The following MPPED2 variants were observed in gnomAD, a reference collection of about 807,000 sequenced individuals.
MPPED2 encodes metallophosphoesterase MPPED2.
Under a neutral mutation model 33.0 loss-of-function variants are expected in MPPED2, and 5 were observed. That is an observed-to-expected ratio of 0.15 (90% CI 0.08 to 0.32). The LOEUF is 0.32. Among genes scored for constraint, MPPED2 ranks in the 10% least tolerant of loss-of-function variants. The probability of loss-of-function intolerance (pLI) is 1.00; values close to 1 mark genes in which losing one functional copy is unlikely to be tolerated. For synonymous variants in MPPED2, 136 were observed against 141.9 expected (o/e 0.96, Z 0.29); for missense variants, 275 against 372.1 (o/e 0.74, Z 2.15).
chr11:30,391,658 G>A (rs1947777778), intron 6 of MPPED2, among the ~76,000 whole-genome samples: 1 of 152,144 alleles, frequency 6.6e-6, no homozygotes, highest in African/African-American at 2.4e-5. Flanking sequence ...TTGCTTCAAT[G>A]TCTGGCATTT....
intron 1 of MPPED2, among the ~76,000 whole-genome samples, chr11:30,585,830 G>A (rs1411420821): frequency 6.6e-6 from 1 of 152,186 alleles, no homozygotes. Flanking sequence ...CGAATTGCCC[G>A]GGAGGCGCCC....
intron 4 of MPPED2, among the ~76,000 whole-genome samples, chr11:30,441,074 T>C (rs945494880): frequency 2.6e-5 from 4 of 152,186 alleles, no homozygotes; most frequent in African/African-American, 9.6e-5. Context: ...TTCTCTGGGT[T>C]ACCGAGCAGA....
At chr11:30,437,240 C>G (rs1949365008) in intron 4 of MPPED2, among the ~76,000 whole-genome samples, 1 of 152,178 alleles carries the variant, frequency 6.6e-6, no homozygotes, top group African/African-American at 2.4e-5. Flanking sequence ...TTTCTTTTAA[C>G]TCCCTTGTGT....
At chr11:30,498,262 GA>G (rs35946947) in intron 3 of MPPED2, among the ~76,000 whole-genome samples, 4,644 of 151,426 alleles carry the variant, frequency 0.031, 242 homozygotes, top group African/African-American at 0.11. Flanking sequence ...CTCTAACATG[GA>G]AAAAAAATCC....
chr11:30,457,214 C>T (rs1481121615), intron 4 of MPPED2, among the ~76,000 whole-genome samples: 2 of 152,062 alleles, frequency 1.3e-5, no homozygotes, highest in Non-Finnish European at 2.9e-5. Flanking sequence ...ACTCTGAGAA[C>T]AAGAAAAAGT....
At chr11:30,464,068 A>G (rs1250350924) in intron 4 of MPPED2, among the ~76,000 whole-genome samples, 1 of 152,178 alleles carries the variant, frequency 6.6e-6, no homozygotes, top group African/African-American at 2.4e-5. Flanking sequence ...AGTTATATCG[A>G]CATATATCTA....
chr11:30,575,857 G>A (rs539639), intron 2 of MPPED2, among the ~76,000 whole-genome samples: 143,068 of 152,212 alleles, frequency 0.94, 67,268 homozygotes, highest in East Asian at 0.97. Flanking sequence ...GCACTAAACC[G>A]GGACACTTGC....
chr11:30,475,360 T>A (rs1036292260), intron 4 of MPPED2, among the ~76,000 whole-genome samples: 5 of 152,130 alleles, frequency 3.3e-5, no homozygotes, highest in Non-Finnish European at 5.9e-5. Flanking sequence ...TGCAGATATA[T>A]ACATACTATA....
intron 4 of MPPED2, among the ~76,000 whole-genome samples, chr11:30,463,162 C>G (rs1303981007): frequency 6.6e-6 from 1 of 152,204 alleles, no homozygotes; most frequent in East Asian, 1.9e-4. Flanking sequence ...GTTTTCTCGG[C>G]TATCCACTCA....
intron 2 of MPPED2, among the ~76,000 whole-genome samples, chr11:30,567,040 A>C (rs564874481): frequency 1.3e-5 from 2 of 152,176 alleles, no homozygotes; most frequent in Admixed American, 6.5e-5. Flanking sequence ...GGCACCTCTC[A>C]GTATCTCTCT....
intron 4 of MPPED2, among the ~76,000 whole-genome samples, chr11:30,456,469 C>T (rs760523439): frequency 3.3e-5 from 5 of 152,174 alleles, no homozygotes; most frequent in East Asian, 1.9e-4. Flanking sequence ...ATCACTTGGG[C>T]GGTAAAGCAG....
At chr11:30,493,318 C>G (rs976597523) in intron 4 of MPPED2, among the ~76,000 whole-genome samples, 1 of 147,106 alleles carries the variant, frequency 6.8e-6, no homozygotes, top group Non-Finnish European at 1.5e-5. Context: ...TTGCAGTGAG[C>G]GGAGATCGCG....
chr11:30,452,482 C>T (rs1473544126), intron 4 of MPPED2, among the ~76,000 whole-genome samples: 2 of 152,222 alleles, frequency 1.3e-5, no homozygotes, highest in Non-Finnish European at 2.9e-5. Flanking sequence ...CCCTCTGCCT[C>T]ACTACATCAG....
Position 30,472,428 on chromosome 11 carries a change from T to C in MPPED2, c.536+22868A>G, listed in dbSNP as rs981314792. The stretch of plus-strand genomic sequence containing the variant: ...GGAGAAGAGGACCTTAGTTGCAGTT[T>C]AGGATACTGTGACTCAACAGAGATT... On this transcript the variant is annotated intron_variant, in intron 4 of 6. Coordinates refer to ENST00000358117, the MANE Select transcript of MPPED2 (RefSeq NM_001584.3). 2.0e-5 allele frequency among the ~76,000 whole-genome samples: 3 copies of C among 152,128 alleles called. No homozygotes were observed. In the East Asian group the frequency reaches 5.8e-4, roughly 29 times the overall value.
intron 4 of MPPED2, among the ~76,000 whole-genome samples, chr11:30,467,856 C>T (rs1360531593): frequency 2.0e-5 from 3 of 152,094 alleles, no homozygotes; most frequent in Non-Finnish European, 2.9e-5. Flanking sequence ...AGCTGTGGAA[C>T]TGTTGGGGGT....
intron 6 of MPPED2, among the ~76,000 whole-genome samples, chr11:30,403,212 A>T (rs985728923): frequency 4.0e-5 from 6 of 149,110 alleles, no homozygotes; most frequent in South Asian, 2.1e-4. Context: ...GCGCCACTGC[A>T]CTCCAGCCTG....
At chr11:30,469,729 T>C (rs1262591841) in intron 4 of MPPED2, among the ~76,000 whole-genome samples, 1 of 152,170 alleles carries the variant, frequency 6.6e-6, no homozygotes, top group East Asian at 1.9e-4. Context: ...TCATTATCAT[T>C]ATCATCTTCA....
intron 4 of MPPED2, among the ~76,000 whole-genome samples, chr11:30,440,408 C>T (rs1289915721): frequency 6.6e-6 from 1 of 152,112 alleles, no homozygotes; most frequent in African/African-American, 2.4e-5. Flanking sequence ...TTCCACACCG[C>T]AATGGCAGAG....
At chr11:30,443,196 AT>A (rs1480404321) in intron 4 of MPPED2, among the ~76,000 whole-genome samples, 1 of 152,204 alleles carries the variant, frequency 6.6e-6, no homozygotes, top group African/African-American at 2.4e-5. Context: ...TAATAAATAA[AT>A]AAAGCATTTA....
Sources: gnomAD v4.1 joint callset for allele counts (sites outside exome capture counted in the v4.1 genomes callset) on GRCh38, gnomAD v4.1.1 for gene constraint, MANE v1.5 for transcripts, NCBI Gene and HGNC (gene_info 2026-07-23, HGNC 2026-07-21) for gene names.